The following SLC24A2 variants were observed in gnomAD, a reference collection of about 807,000 sequenced individuals.
The protein encoded by SLC24A2 is solute carrier family 24 member 2, also known as sodium/potassium/calcium exchanger 2.
A neutral mutation model predicts 62.0 loss-of-function variants in SLC24A2; 36 were observed. The observed-to-expected ratio is 0.58, with a 90% CI of 0.44 to 0.77. The LOEUF (loss-of-function observed/expected upper bound fraction) is 0.77, where lower values mean the gene tolerates loss of function less well. Among genes scored for constraint, SLC24A2 ranks in the 30% least tolerant of loss-of-function variants. SLC24A2 has a pLI of 0.00. For synonymous variants in SLC24A2, 358 were observed against 294.0 expected (o/e 1.22, Z -2.23); for missense variants, 846 against 817.9 (o/e 1.03, Z -0.42).
the SLC24A2 span, among the ~76,000 whole-genome samples, chr9:20,028,923 G>A: frequency 6.6e-6 from 1 of 152,158 alleles, no homozygotes; most frequent in Non-Finnish European, 1.5e-5. Flanking sequence ...TAGTCTCTAA[G>A]GTCATTTCCT....
At chr9:20,179,401 C>G in the SLC24A2 span, among the ~76,000 whole-genome samples, 2 of 152,168 alleles carry the variant, frequency 1.3e-5, no homozygotes, top group Middle Eastern at 3.4e-3. Context: ...GGTGTACGGA[C>G]AGGTGGTCCA....
At chr9:19,639,080 A>T (rs955699956) in intron 2 of SLC24A2, among the ~76,000 whole-genome samples, 7 of 151,826 alleles carry the variant, frequency 4.6e-5, no homozygotes, top group Non-Finnish European at 1.0e-4. Context: ...GGTCTTATCA[A>T]ATGATCGCTA....
chr9:19,519,709 T>G (rs1422201195), intron 10 of SLC24A2, among the ~76,000 whole-genome samples: 1 of 152,052 alleles, frequency 6.6e-6, no homozygotes, highest in Non-Finnish European at 1.5e-5. Context: ...GTACAGACAG[T>G]TTTTAGGGGC....
chr9:19,672,176 C>CT (rs1564029025), intron 2 of SLC24A2, among the ~76,000 whole-genome samples: 2 of 145,518 alleles, frequency 1.4e-5, no homozygotes, highest in South Asian at 2.2e-4. Flanking sequence ...GAATCCTGGA[C>CT]TTTTTTTATT....
At chr9:19,547,439 C>G (rs7863499) in intron 8 of SLC24A2, among the ~76,000 whole-genome samples, 15,493 of 152,210 alleles carry the variant, frequency 0.1, 2,579 homozygotes, top group African/African-American at 0.35. Flanking sequence ...TCATGACCCA[C>G]GTAACGACTG....
chr9:20,059,594 G>C, the SLC24A2 span, among the ~76,000 whole-genome samples: 1 of 152,120 alleles, frequency 6.6e-6, no homozygotes, highest in East Asian at 1.9e-4. Flanking sequence ...AATACTTTGA[G>C]ATGAATGAAA....
At chr9:20,228,038 T>C in the SLC24A2 span, among the ~76,000 whole-genome samples, 2 of 152,150 alleles carry the variant, frequency 1.3e-5, no homozygotes, top group Non-Finnish European at 2.9e-5. Context: ...CATTCTTCCA[T>C]TAAAAACAGG....
chr9:20,217,150 C>A, the SLC24A2 span, among the ~76,000 whole-genome samples: 2 of 152,154 alleles, frequency 1.3e-5, no homozygotes, highest in African/African-American at 4.8e-5. Context: ...AATGAAAAAT[C>A]TGTACCTACA....
chr9:19,818,071 C>T, the SLC24A2 span, among the ~76,000 whole-genome samples: 2 of 152,050 alleles, frequency 1.3e-5, no homozygotes, highest in Non-Finnish European at 2.9e-5. Flanking sequence ...AAATATGTAC[C>T]TTTACTGAGG....
chr9:20,190,182 T>C, the SLC24A2 span, among the ~76,000 whole-genome samples: 1 of 152,214 alleles, frequency 6.6e-6, no homozygotes, highest in East Asian at 1.9e-4. Context: ...GCTCTGCTGG[T>C]ATCTTTGTTT....
the SLC24A2 span, among the ~76,000 whole-genome samples, chr9:20,202,483 A>T: frequency 6.6e-6 from 1 of 152,288 alleles, no homozygotes; most frequent in South Asian, 2.1e-4. Context: ...GAATTCAGTG[A>T]GGCTGTTTGC....
the SLC24A2 span, among the ~76,000 whole-genome samples, chr9:19,827,797 A>G: frequency 6.6e-6 from 1 of 152,168 alleles, no homozygotes; most frequent in East Asian, 1.9e-4. Context: ...AGAAGAAATC[A>G]TCTACTTTAA....
chr9:20,008,350 C>G, the SLC24A2 span, among the ~76,000 whole-genome samples: 21 of 152,230 alleles, frequency 1.4e-4, no homozygotes, highest in African/African-American at 4.6e-4. Flanking sequence ...TCTTTGGACT[C>G]ACTCTGTCTT....
At chr9:19,526,124 G>A (rs374790969) in intron 9 of SLC24A2, among the ~76,000 whole-genome samples, 2 of 151,928 alleles carry the variant, frequency 1.3e-5, no homozygotes, top group African/African-American at 4.8e-5. Context: ...TTTGTAACTG[G>A]CTTTTTTCAC....
the SLC24A2 span, among the ~76,000 whole-genome samples, chr9:20,188,559 T>C: frequency 6.6e-6 from 1 of 152,094 alleles, no homozygotes; most frequent in African/African-American, 2.4e-5. Flanking sequence ...GGCTTGAAAA[T>C]TTTATTAAGG....
At position 19,619,533 on chromosome 9, in the gene SLC24A2, T is replaced by C. The variant is rs1157758871; in HGVS notation, c.1078+51A>G. ...ACACGTTTTATGCAGAGAAGCCTTT[T>C]GGCATCCTTTTCCCCCCAAACAAGT... On this transcript the variant is annotated intron_variant, in intron 4 of 10. Coordinates refer to ENST00000341998, the MANE Select transcript of SLC24A2 (RefSeq NM_020344.4). 4 of 1,367,308 alleles carry C rather than the reference T, an allele frequency of 2.9e-6. No individual in the cohort carries two copies. The African/African-American group carries it at 5.7e-5, about 20-fold the overall frequency. The allele number at this position is 1,367,308 out of a possible 1,614,324, so 84.7% of individuals were successfully genotyped here.
At chr9:19,564,519 TCTAC>T (rs1223069339) in intron 7 of SLC24A2, among the ~76,000 whole-genome samples, 3 of 133,918 alleles carry the variant, frequency 2.2e-5, no homozygotes, top group African/African-American at 5.2e-5. Flanking sequence ...TCATCTGTTA[TCTAC>T]CTACCTATCT....
the SLC24A2 span, among the ~76,000 whole-genome samples, chr9:20,123,489 C>G: frequency 1.3e-5 from 2 of 152,176 alleles, no homozygotes; most frequent in African/African-American, 4.8e-5. Context: ...AGGTACAGAA[C>G]AGTAATCAAG....
the SLC24A2 span, among the ~76,000 whole-genome samples, chr9:20,228,457 G>A: frequency 1.4e-4 from 22 of 151,908 alleles, no homozygotes; most frequent in South Asian, 6.3e-4. Flanking sequence ...TAAGAGAGCT[G>A]GCACCCCAAA....
Sources: gnomAD v4.1 joint callset for allele counts (sites outside exome capture counted in the v4.1 genomes callset) on GRCh38, gnomAD v4.1.1 for gene constraint, MANE v1.5 for transcripts, NCBI Gene and HGNC (gene_info 2026-07-23, HGNC 2026-07-21) for gene names.